Variants in GMDS observed in about 807,000 individuals in gnomAD.
GMDS encodes GDP-mannose 4,6-dehydratase, also known as GDP-mannose 4,6 dehydratase.
A neutral mutation model predicts 49.9 loss-of-function variants in GMDS; 20 were observed. The ratio of observed to expected loss-of-function variants is 0.40; its 90% confidence interval spans 0.28 to 0.58. The LOEUF (loss-of-function observed/expected upper bound fraction) is 0.58. Ranked by LOEUF, GMDS falls within the 20% of genes least tolerant of loss-of-function variation. The pLI, the probability that GMDS is intolerant of heterozygous loss-of-function variation, is 0.42. For missense variants in GMDS, 362 were observed against 481.4 expected, an observed-to-expected ratio of 0.75 and a Z score of 2.32; for synonymous variants, 177 against 178.6, an observed-to-expected ratio of 0.99 and a Z score of 0.07.
At position 1,805,224 on chromosome 6, in the gene GMDS, A is replaced by AG. The variant is rs1430774305; in HGVS notation, c.772-62639dup. Among the ~76,000 whole-genome samples, 5 of 152,340 alleles carry AG rather than the reference A, an allele frequency of 3.3e-5. No homozygotes were observed. The East Asian group carries it at 9.6e-4, about 29-fold the overall frequency. On this transcript the variant is annotated intron_variant, in intron 7 of 10. Coordinates refer to ENST00000380815, the MANE Select transcript of GMDS (RefSeq NM_001500.4). ...ATTTTTATTAAATATTAATATAAGA[A>AG]GGGGTCTGACATTTATGCTTTATTT...
At chr6:2,124,871 T>G in intron 1 of GMDS, 140 bp from the exon 2 acceptor site, 1 of 657,870 alleles carries the variant, frequency 1.5e-6, no homozygotes, top group Non-Finnish European at 2.8e-6. Context: ...ATAACACCAA[T>G]AATGTCAATA....
chr6:1,958,890 A>G (rs982348056), intron 6 of GMDS, among the ~76,000 whole-genome samples: 2 of 152,194 alleles, frequency 1.3e-5, no homozygotes, highest in African/African-American at 4.8e-5. Context: ...ATGCTTTGTA[A>G]AGCTTTCTCA....
intron 7 of GMDS, among the ~76,000 whole-genome samples, chr6:1,799,183 G>A (rs1439911169): frequency 6.6e-6 from 1 of 152,188 alleles, no homozygotes. Context: ...CGAGGGTGGA[G>A]GGTGCGGGTG....
In GMDS at chr6:1,836,123, T is replaced by C. The variant is rs1237013285; in HGVS notation, c.772-93537A>G. ...ATCTCGTGATCCACCCGCCTCAGCC[T>C]CCCAAAGTGCTGGGATTACAGGCCT... is the stretch of plus-strand genomic sequence containing the variant. On this transcript the variant is annotated intron_variant, in intron 7 of 10. Transcript: ENST00000380815. The surrounding 1 kb of genome is among the most constrained non-coding windows in gnomAD (Gnocchi z 4.2). 2.6e-5 allele frequency among the ~76,000 whole-genome samples: 4 copies of C among 152,170 alleles called. No individual in the cohort carries two copies. Among genetic ancestry groups the C allele is most frequent in the Admixed American group, 2.6e-4 (4 of 15,278 alleles).
At chr6:1,691,032 C>T (rs1343797227) in intron 9 of GMDS, among the ~76,000 whole-genome samples, 1 of 152,148 alleles carries the variant, frequency 6.6e-6, no homozygotes, top group East Asian at 1.9e-4. Context: ...GGAACATAAA[C>T]CATTCTATTA....
At chr6:1,796,421 A>G (rs972298142) in intron 7 of GMDS, among the ~76,000 whole-genome samples, 1 of 152,224 alleles carries the variant, frequency 6.6e-6, no homozygotes, top group Non-Finnish European at 1.5e-5. Flanking sequence ...TAAAAAATAC[A>G]AATTCTCAGG....
chr6:1,706,989 A>G (rs532396554), intron 9 of GMDS, among the ~76,000 whole-genome samples: 1 of 152,242 alleles, frequency 6.6e-6, no homozygotes, highest in Non-Finnish European at 1.5e-5. Flanking sequence ...AGCATTTGGC[A>G]TCTCATACTG....
intron 1 of GMDS, among the ~76,000 whole-genome samples, chr6:2,153,392 A>G (rs1028125373): frequency 2.0e-5 from 3 of 152,180 alleles, no homozygotes; most frequent in Non-Finnish European, 4.4e-5. Flanking sequence ...AATACCAAAT[A>G]ATTAAAAAGC....
chr6:2,202,018 G>A (rs1196913350), intron 1 of GMDS, among the ~76,000 whole-genome samples: 58 of 96,498 alleles, frequency 6.0e-4, no homozygotes, highest in South Asian at 1.6e-3. Context: ...CACCACATGG[G>A]CATCCGAGAT....
chr6:1,739,255 G>C (rs1767164365), intron 8 of GMDS, among the ~76,000 whole-genome samples: 1 of 152,218 alleles, frequency 6.6e-6, no homozygotes, highest in African/African-American at 2.4e-5. Context: ...CCCTTGCTGT[G>C]TGACCTGGGG....
intron 7 of GMDS, among the ~76,000 whole-genome samples, chr6:1,845,681 A>G (rs1757369986): frequency 6.6e-6 from 1 of 152,176 alleles, no homozygotes; most frequent in Non-Finnish European, 1.5e-5. Context: ...TTTTGGGATG[A>G]AACTGTTCCA....
At chr6:1,968,541 C>T (rs112038160) in intron 4 of GMDS, among the ~76,000 whole-genome samples, 40 of 152,202 alleles carry the variant, frequency 2.6e-4, no homozygotes, top group African/African-American at 9.2e-4. Flanking sequence ...TACAGTGTTC[C>T]AATTCCTCGC....
chr6:2,071,296 T>C (rs1321226827), intron 4 of GMDS, among the ~76,000 whole-genome samples: 1 of 152,238 alleles, frequency 6.6e-6, no homozygotes, highest in Non-Finnish European at 1.5e-5. Context: ...TTTTTCTTTC[T>C]ACATACCTTT....
At chr6:1,671,425 A>G (rs1764417811) in intron 9 of GMDS, among the ~76,000 whole-genome samples, 1 of 152,110 alleles carries the variant, frequency 6.6e-6, no homozygotes. Context: ...TCAAGCCAAA[A>G]ACAACACCCA....
intron 9 of GMDS, among the ~76,000 whole-genome samples, chr6:1,688,542 T>C (rs1349251697): frequency 6.6e-6 from 1 of 152,210 alleles, no homozygotes; most frequent in African/African-American, 2.4e-5. Context: ...CTGAAACCTC[T>C]CCACGCTCTT....
intron 1 of GMDS, among the ~76,000 whole-genome samples, chr6:2,225,620 G>T (rs1447104166): frequency 2.0e-5 from 3 of 152,142 alleles, no homozygotes; most frequent in African/African-American, 7.2e-5. Context: ...TGTGTTGGCT[G>T]TAAACCAACC....
intron 1 of GMDS, chr6:2,175,900 C>T: frequency 9.0e-7 from 1 of 1,110,776 alleles, no homozygotes; most frequent in Non-Finnish European, 1.3e-6. Context: ...CTATGATTAG[C>T]CCCATTTTAT....
intron 7 of GMDS, among the ~76,000 whole-genome samples, chr6:1,918,035 A>C (rs1761491996): frequency 6.6e-6 from 1 of 152,222 alleles, no homozygotes. Flanking sequence ...TAAATACATA[A>C]GAATCTTTAA....
At chr6:1,871,066 AC>A (rs1372086562) in intron 7 of GMDS, among the ~76,000 whole-genome samples, 10 of 145,142 alleles carry the variant, frequency 6.9e-5, no homozygotes, top group African/African-American at 2.8e-4. Context: ...CAGCACACAC[AC>A]ACACACACAC....
Sources: gnomAD v4.1 joint callset for allele counts (sites outside exome capture counted in the v4.1 genomes callset) on GRCh38, gnomAD v4.1.1 for gene constraint, Gnocchi (gnomAD v3.1) non-coding constraint, MANE v1.5 for transcripts, NCBI Gene and HGNC (gene_info 2026-07-23, HGNC 2026-07-21) for gene names.